Variants in TENM2 observed in about 807,000 individuals in gnomAD.
TENM2 encodes the protein teneurin-2.
Under a neutral mutation model 245.2 loss-of-function variants are expected in TENM2, and 52 were observed. The ratio of observed to expected loss-of-function variants is 0.21; its 90% CI spans 0.17 to 0.27. TENM2 has a LOEUF of 0.27. Among genes scored for constraint, TENM2 ranks in the 10% least tolerant of loss-of-function variants. TENM2 has a pLI of 1.00. For missense variants in TENM2, 3,046 were observed against 3,666.8 expected (o/e 0.83, Z 4.37); for synonymous variants, 1,363 against 1,438.9 (o/e 0.95, Z 1.19).
At chr5:167,330,179 T>A (rs1757357032) in intron 1 of TENM2, among the ~76,000 whole-genome samples, 2 of 152,198 alleles carry the variant, frequency 1.3e-5, no homozygotes, top group East Asian at 1.9e-4. Flanking sequence ...TATATTCAAA[T>A]AGCCAAAGTG....
intron 9 of TENM2, among the ~76,000 whole-genome samples, chr5:168,099,553 A>G (rs745418198): frequency 3.9e-5 from 6 of 152,094 alleles, no homozygotes; most frequent in Non-Finnish European, 8.8e-5. Context: ...TTATTTATTT[A>G]TATGTTTAAC....
chr5:167,194,682 G>A, the TENM2 span, among the ~76,000 whole-genome samples: 1 of 151,916 alleles, frequency 6.6e-6, no homozygotes, highest in Non-Finnish European at 1.5e-5. Flanking sequence ...TTGGTCCCTG[G>A]ACAAACCCAT....
At chr5:168,075,928 G>T (rs1791426493) in intron 7 of TENM2, among the ~76,000 whole-genome samples, 1 of 152,092 alleles carries the variant, frequency 6.6e-6, no homozygotes. Context: ...TCACTATCAT[G>T]AGAACAGCAC....
chr5:167,878,738 G>A (rs1050922440), intron 3 of TENM2, among the ~76,000 whole-genome samples: 1 of 152,172 alleles, frequency 6.6e-6, no homozygotes, highest in African/African-American at 2.4e-5. Context: ...AAAGTGCAGA[G>A]CTATGTCTGA....
chr5:167,961,683 G>A (rs1281986699), intron 4 of TENM2, among the ~76,000 whole-genome samples: 4 of 152,180 alleles, frequency 2.6e-5, no homozygotes, highest in African/African-American at 9.7e-5. Context: ...ATCCTATGAA[G>A]TAGGAAGGGA....
intron 2 of TENM2, among the ~76,000 whole-genome samples, chr5:167,429,177 A>G (rs1764054159): frequency 6.6e-6 from 1 of 152,226 alleles, no homozygotes; most frequent in African/African-American, 2.4e-5. Flanking sequence ...CCTCTCATTA[A>G]GACAACTTCT....
At chr5:168,070,990 G>T (rs1790969430) in intron 7 of TENM2, among the ~76,000 whole-genome samples, 1 of 151,914 alleles carries the variant, frequency 6.6e-6, no homozygotes, top group Non-Finnish European at 1.5e-5. Flanking sequence ...AAGGAAAAGA[G>T]AAAGAGAAAG....
intron 2 of TENM2, among the ~76,000 whole-genome samples, chr5:167,836,597 C>T (rs980491399): frequency 1.3e-5 from 2 of 152,130 alleles, no homozygotes; most frequent in African/African-American, 4.8e-5. Context: ...CCATGTTCAC[C>T]AGGACTTTCA....
intron 3 of TENM2, among the ~76,000 whole-genome samples, chr5:167,916,529 AACTGTGTGTTAT>A: frequency 6.6e-6 from 1 of 152,262 alleles, no homozygotes; most frequent in Non-Finnish European, 1.5e-5. Context: ...TTTCCTGCTG[AACTGTGTGTTAT>A]ACTCTTAGCA....
chr5:167,358,370 G>A (rs546056884), intron 1 of TENM2, among the ~76,000 whole-genome samples: 1 of 151,904 alleles, frequency 6.6e-6, no homozygotes, highest in Non-Finnish European at 1.5e-5. Context: ...ATTTGCAACA[G>A]TTAATCACTC....
At chr5:167,537,795 G>A (rs1771945164) in intron 2 of TENM2, among the ~76,000 whole-genome samples, 1 of 152,210 alleles carries the variant, frequency 6.6e-6, no homozygotes, top group Admixed American at 6.5e-5. Context: ...AAATGTAGAA[G>A]GATGAAGATT....
chr5:167,580,477 G>A (rs1242209939), intron 2 of TENM2, among the ~76,000 whole-genome samples: 1 of 152,184 alleles, frequency 6.6e-6, no homozygotes, highest in Non-Finnish European at 1.5e-5. Context: ...CATTAACTGG[G>A]TGCCAATCAG....
chr5:168,114,034 T>C (rs1239538525), intron 9 of TENM2, among the ~76,000 whole-genome samples: 1 of 152,216 alleles, frequency 6.6e-6, no homozygotes, highest in African/African-American at 2.4e-5. Flanking sequence ...ATTGCTAGTG[T>C]TTGTGTGTGC....
At chr5:167,298,355 G>A (rs2127731170) in intron 1 of TENM2, among the ~76,000 whole-genome samples, 1 of 152,362 alleles carries the variant, frequency 6.6e-6, no homozygotes, top group South Asian at 2.1e-4. Flanking sequence ...TGTAATCCCA[G>A]CACTTCGGGA....
intron 2 of TENM2, among the ~76,000 whole-genome samples, chr5:167,522,540 A>G (rs551047903): frequency 5.1e-4 from 78 of 152,160 alleles, no homozygotes; most frequent in African/African-American, 1.6e-3. Flanking sequence ...AGAGTATTCA[A>G]TCCTTTAGGA....
At chr5:167,104,034 C>T in the TENM2 span, among the ~76,000 whole-genome samples, 1 of 152,046 alleles carries the variant, frequency 6.6e-6, no homozygotes, top group South Asian at 2.1e-4. Context: ...TTACCAAATA[C>T]CCTGACAGTG....
chr5:167,787,919 T>C (rs1754730554), intron 2 of TENM2, among the ~76,000 whole-genome samples: 1 of 152,248 alleles, frequency 6.6e-6, no homozygotes, highest in Non-Finnish European at 1.5e-5. Flanking sequence ...AGATCTTTAA[T>C]TTCAAATGAA....
the TENM2 span, among the ~76,000 whole-genome samples, chr5:167,084,355 A>ATATATATATATATATATATGTATATATG: frequency 1.8e-5 from 2 of 109,348 alleles, no homozygotes; most frequent in African/African-American, 6.8e-5. Flanking sequence ...ATATATATAT[A>ATATATATATATATATATATGTATATATG]TATATATATA....
chr5:167,774,198 G>A (rs1277712511), intron 2 of TENM2, among the ~76,000 whole-genome samples: 3 of 105,376 alleles, frequency 2.8e-5, no homozygotes, highest in East Asian at 6.3e-4. Flanking sequence ...GGGAGGGAAG[G>A]AGGAAGGGAG....
Sources: allele counts gnomAD v4.1 joint callset (sites outside exome capture counted in the v4.1 genomes callset), GRCh38; gene constraint gnomAD v4.1.1; transcripts MANE v1.5; gene names NCBI Gene and HGNC (gene_info 2026-07-23, HGNC 2026-07-21).